Variants in TRMT2A observed in about 807,000 individuals in gnomAD.
The protein encoded by TRMT2A is tRNA (uracil-5-)-methyltransferase homolog A.
In TRMT2A, 60 loss-of-function variants were observed where a neutral mutation model predicts 59.3. The ratio of observed to expected loss-of-function variants is 1.01; its 90% CI spans 0.82 to 1.26. The LOEUF (loss-of-function observed/expected upper bound fraction) is 1.26, where lower values mean the gene tolerates loss of function less well. Ranked by LOEUF, TRMT2A falls within the 50% of genes most tolerant of loss-of-function variation. The probability of loss-of-function intolerance (pLI) is 0.00; values close to 1 mark genes in which losing one functional copy is unlikely to be tolerated. For synonymous variants in TRMT2A, 403 were observed against 353.7 expected (o/e 1.14, Z -1.56); for missense variants, 863 against 845.2 (o/e 1.02, Z -0.26).
Position 20,116,952 on chromosome 22 carries a change from C to T in TRMT2A, c.-46G>A. 1.9e-6 allele frequency: 3 copies of T among 1,570,410 alleles called. No individual in the cohort carries two copies. In the South Asian group the frequency reaches 3.5e-5, roughly 18 times the overall value. On this transcript the variant is annotated 5_prime_UTR_variant, in exon 1 of 12. Coordinates refer to ENST00000252136, the MANE Select transcript of TRMT2A (RefSeq NM_022727.6). The stretch of plus-strand genomic sequence containing the variant: ...TAGACCAGGGACGCCATGGGGGCCG[C>T]CTGGCCACCTCGTCCTGGGCCTGTC...
At chr22:20,113,848 C>A (rs2049924529) in intron 7 of TRMT2A, 40 bp from the exon 8 acceptor site, 2 of 1,517,022 alleles carry the variant, frequency 1.3e-6, no homozygotes, top group Non-Finnish European at 1.8e-6. Flanking sequence ...TGGCTCCTCT[C>A]CTGTGGTGCC....
intron 1 of TRMT2A, 61 bp from the exon 2 acceptor site, chr22:20,116,673 A>C: frequency 6.7e-7 from 1 of 1,499,462 alleles, no homozygotes; most frequent in Admixed American, 2.3e-5. Flanking sequence ...TGGCCCCCCA[A>C]GCTTCCTTAT....
chr22:20,115,509 A>G, intron 3 of TRMT2A, 62 bp from the exon 4 acceptor site: 1 of 1,577,456 alleles, frequency 6.3e-7, no homozygotes, highest in Non-Finnish European at 8.6e-7. Flanking sequence ...GGAAACCCTG[A>G]TTTCCCCACA....
At chr22:20,116,842 A>AC in intron 1 of TRMT2A, 41 bp downstream of exon 1, 49 of 561,686 alleles carry the variant, frequency 8.7e-5, no homozygotes, top group Non-Finnish European at 1.2e-4. Context: ...GCCTCCTCCC[A>AC]CCCCATCCCC....
At position 20,112,741 on chromosome 22, in the gene TRMT2A, T is replaced by C. The variant is rs1220830593; in HGVS notation, c.1700A>G (p.Lys567Arg). ...RVKGIPFRPV[K>R]AVAVDLFPQT... ...CGGGAACAGGTCCACTGCCACAGCCTTGACCGGCCGGAAGGGAATGCCCTT... is the reference window on the plus strand; with the variant it reads ...CGGGAACAGGTCCACTGCCACAGCCCTGACCGGCCGGAAGGGAATGCCCTT... The change falls in exon 12 of 12, where the codon AAG (lysine) becomes AGG (arginine). Residue 567 changes from lysine to arginine, a missense_variant. Transcript: ENST00000252136. 1.2e-6 allele frequency: 2 copies of C among 1,613,812 alleles called. No individual in the cohort carries two copies. The highest frequency in any genetic ancestry group is 4.5e-5 in the East Asian group (2 of 44,884).
Position 20,112,642 on chromosome 22 carries a change from G to A in TRMT2A, c.1799C>T (p.Pro600Leu), listed in dbSNP as rs2049877713. The stretch of plus-strand genomic sequence containing the variant: ...TGTGGGTTGAGCTGGAGGGCTGTGG[G>A]GCCCCAAGACCCCTGTGCCATTGGG... ...EHPNGTGVLG[P>L]HSPPAQPTPG... Residue 600 changes from proline (P) to leucine (L), a missense_variant, in exon 12 of 12, where the codon CCC becomes CTC. Physicochemically the swap from Pro to Leu is moderately conservative, Grantham distance 98. Coordinates refer to ENST00000252136, the MANE Select transcript of TRMT2A (RefSeq NM_022727.6). 6.2e-7 allele frequency: 1 copy of A among 1,614,072 alleles called. No individual in the cohort carries two copies. The highest frequency in any genetic ancestry group is 8.5e-7 in the Non-Finnish European group (1 of 1,180,010).
Position 20,117,065 on chromosome 22 carries a change from C to G in TRMT2A, c.-159G>C, listed in dbSNP as rs930088092. On this transcript the variant is annotated 5_prime_UTR_variant, in exon 1 of 12. Transcript: ENST00000252136. ...AACGCCGCGAGGTCGCCGCCACCCCCGGCTTCGCCCCAGGCGGGGCGGGAC... is the reference window on the plus strand; with the variant it reads ...AACGCCGCGAGGTCGCCGCCACCCCGGGCTTCGCCCCAGGCGGGGCGGGAC... 5 of 944,078 alleles carry G rather than the reference C, an allele frequency of 5.3e-6. No homozygotes were observed. Among genetic ancestry groups the G allele is most frequent in the Non-Finnish European group, 7.9e-6 (5 of 630,426 alleles). The allele number at this position is 944,078 out of a possible 1,614,324, so 58.5% of individuals were successfully genotyped here. A position where few individuals can be genotyped will look rare whatever the true frequency, so the allele number is the denominator to read the frequency against.
chr22:20,116,329 G>A lies in TRMT2A; in HGVS notation c.308C>T (p.Thr103Ile), dbSNP rs2050017340. 1 of 1,612,976 alleles carries A rather than the reference G, an allele frequency of 6.2e-7. No homozygotes were observed. Among genetic ancestry groups the A allele is most frequent in the Non-Finnish European group, 8.5e-7 (1 of 1,180,022 alleles). The change falls in exon 2 of 12, where the codon ACC (threonine) becomes ATC (isoleucine). Residue 103 changes from threonine (T) to isoleucine (I), a missense_variant. Transcript: ENST00000252136. ...LGRFGLQPHK[T>I]KLFGQPPCAF... ...GCAGGGTGGTTGCCCAAAGAGTTTG[G>A]TTTTGTGGGGCTGCAGACCAAAGCG...
Position 20,112,278 on chromosome 22 carries a change from T to G in TRMT2A, c.*285A>C, listed in dbSNP as rs1230442295. On this transcript the variant is annotated 3_prime_UTR_variant, in exon 12 of 12. Coordinates refer to ENST00000252136, the MANE Select transcript of TRMT2A (RefSeq NM_022727.6). Reference sequence around the variant, plus strand: ...CACCCAGGCCCTGTGTTCAGACCCCTGGCTCTCATCACAGAAACACCCTTT... The same window carrying G: ...CACCCAGGCCCTGTGTTCAGACCCCGGGCTCTCATCACAGAAACACCCTTT... The G allele has an allele frequency of 6.1e-6, 3 of 493,406 alleles. No homozygotes were observed. Among genetic ancestry groups the G allele is most frequent in the African/African-American group, 1.9e-5 (1 of 51,998 alleles). 30.6% of individuals were successfully genotyped at this position (493,406 alleles called of 1,614,324 possible).
chr22:20,113,863 G>C (rs1438225371), intron 7 of TRMT2A, 55 bp from the exon 8 acceptor site: 1 of 1,497,318 alleles, frequency 6.7e-7, no homozygotes. Context: ...GGTGCCACTG[G>C]TGCCCCGACG....
Position 20,114,822 on chromosome 22 carries a change from T to C in TRMT2A, c.1060A>G (p.Thr354Ala). 2 of 1,609,184 alleles carry C rather than the reference T, an allele frequency of 1.2e-6. No individual in the cohort carries two copies. Among genetic ancestry groups the C allele is most frequent in the South Asian group, 2.2e-5 (2 of 90,622 alleles). The change falls in exon 6 of 12, where the codon ACA (threonine) becomes GCA (alanine). Residue 354 changes from threonine to alanine, a missense_variant. Transcript: ENST00000252136. Reference sequence around the variant, plus strand: ...CCACTGGCCCTGCCTGGCCCTGCTGTGAAGTGCTGCGCTAGGGAGGTCTTC... The same window carrying C: ...CCACTGGCCCTGCCTGGCCCTGCTGCGAAGTGCTGCGCTAGGGAGGTCTTC... Reference protein sequence around the residue: ...ELKTSLAQHFTAGPGRASGVT... With the variant: ...ELKTSLAQHFAAGPGRASGVT...
chr22:20,115,153 C>T lies in TRMT2A; in HGVS notation c.891-74G>A, dbSNP rs981803912. On this transcript the variant is annotated intron_variant, in intron 4 of 11. Transcript: ENST00000252136. Reference sequence around the variant, plus strand: ...CCCCCTGCTCTCTCCTCTGGCCACACCTTCCTTCATCTGGCTGAAATGGCA... The same window carrying T: ...CCCCCTGCTCTCTCCTCTGGCCACATCTTCCTTCATCTGGCTGAAATGGCA... 2.6e-6 allele frequency: 4 copies of T among 1,564,660 alleles called. No homozygotes were observed. In the African/African-American group the frequency reaches 5.4e-5, roughly 21 times the overall value.
chr22:20,112,423 G>T lies in TRMT2A; in HGVS notation c.*140C>A, dbSNP rs925208873. 6 of 1,155,436 alleles carry T rather than the reference G, an allele frequency of 5.2e-6. No individual in the cohort carries two copies. The highest frequency in any genetic ancestry group is 7.2e-6 in the Non-Finnish European group (6 of 833,116). 71.6% of individuals were successfully genotyped at this position (1,155,436 alleles called of 1,614,324 possible). The stretch of plus-strand genomic sequence containing the variant: ...TGGTCAGGGCCCCTGGCCCCTAGCA[G>T]CAGGCCAATCCTGGTGGGGCACAGG... On this transcript the variant is annotated 3_prime_UTR_variant, in exon 12 of 12. Coordinates refer to ENST00000252136, the MANE Select transcript of TRMT2A (RefSeq NM_022727.6).
At position 20,112,810 on chromosome 22, in the gene TRMT2A, G is replaced by T. The variant is rs780098836; in HGVS notation, c.1647-16C>A. On this transcript the variant is annotated splice_polypyrimidine_tract_variant and intron_variant, in intron 11 of 11. Coordinates refer to ENST00000252136, the MANE Select transcript of TRMT2A (RefSeq NM_022727.6). ...TCTGCAGAGGCTGTGGGGGGAAAAG[G>T]GGGGCGCTAAGGTCAGCCGATAGGC... is the stretch of plus-strand genomic sequence containing the variant. 3 of 1,612,908 alleles carry T rather than the reference G, an allele frequency of 1.9e-6. No homozygotes were observed. Among genetic ancestry groups the T allele is most frequent in the Non-Finnish European group, 2.5e-6 (3 of 1,179,944 alleles).
Position 20,114,584 on chromosome 22 carries a change from G to A in TRMT2A, c.1223C>T (p.Ala408Val), listed in dbSNP as rs1020877192. The change falls in exon 7 of 12, where the codon GCC (alanine) becomes GTC (valine). Residue 408 changes from alanine to valine, a missense_variant. Ala to Val is a moderately conservative substitution (Grantham distance 64, BLOSUM62 0). Transcript: ENST00000252136. ...LGLTFRISPH[A>V]FFQVNTPAAE... ...GGGACTCATGGCTACCTGGAAGAAG[G>A]CGTGTGGAGAGATCCGGAAGGTCAG... The A allele has an allele frequency of 1.2e-5, 19 of 1,613,478 alleles. No individual in the cohort carries two copies. The Middle Eastern group carries it at 4.9e-4, about 42-fold the overall frequency.
At position 20,116,543 on chromosome 22, in the gene TRMT2A, G is replaced by T; in HGVS notation, c.94C>A (p.Pro32Thr). 2 of 1,597,372 alleles carry T rather than the reference G, an allele frequency of 1.3e-6. No homozygotes were observed. Among genetic ancestry groups the T allele is most frequent in the Non-Finnish European group, 8.5e-7 (1 of 1,174,678 alleles). Residue 32 changes from proline to threonine, a missense_variant, in exon 2 of 12, where the codon CCC (proline) becomes ACC (threonine). Coordinates refer to ENST00000252136, the MANE Select transcript of TRMT2A (RefSeq NM_022727.6). ...SALSCPTVSV[P>T]PAAPAALEEV... Reference sequence around the variant, plus strand: ...TCCAGGGCTGCCGGGGCTGCAGGGGGCACCGAGACGGTAGGGCAGCTCAGG... The same window carrying T: ...TCCAGGGCTGCCGGGGCTGCAGGGGTCACCGAGACGGTAGGGCAGCTCAGG...
intron 3 of TRMT2A, 95 bp downstream of exon 3, chr22:20,115,577 A>G: frequency 6.4e-7 from 1 of 1,567,410 alleles, no homozygotes; most frequent in East Asian, 2.2e-5. Flanking sequence ...ACCAGAAGAA[A>G]ACACAAAGCA....
chr22:20,113,394 C>CGCCCCTG, intron 9 of TRMT2A, 38 bp downstream of exon 9: 1 of 1,508,564 alleles, frequency 6.6e-7, no homozygotes, highest in Non-Finnish European at 9.1e-7. Context: ...GTGGCGGCTG[C>CGCCCCTG]CCCCATCCCC....
chr22:20,117,079 G>T lies in TRMT2A; in HGVS notation c.-173C>A. The T allele has an allele frequency of 1.2e-6, 1 of 853,930 alleles. No individual in the cohort carries two copies. The highest frequency in any genetic ancestry group is 1.8e-6 in the Non-Finnish European group (1 of 553,168). The allele number at this position is 853,930 out of a possible 1,614,324, so 52.9% of individuals were successfully genotyped here. On this transcript the variant is annotated 5_prime_UTR_variant, in exon 1 of 12. Transcript: ENST00000252136. ...GCCGCCACCCCCGGCTTCGCCCCAG[G>T]CGGGGCGGGACTCGAACCTGCGATG...
Sources: gnomAD v4.1 joint callset for allele counts on GRCh38, gnomAD v4.1.1 for gene constraint, MANE v1.5 for transcripts, NCBI Gene and HGNC (gene_info 2026-07-23, HGNC 2026-07-21) for gene names.